PHLDB1: variants seen among roughly 807,000 people sequenced by gnomAD.
PHLDB1 encodes pleckstrin homology-like domain family B member 1.
PHLDB1 carries 65 observed loss-of-function variants against 139.3 expected under a neutral mutation model. That is an observed-to-expected ratio of 0.47 (90% CI 0.38 to 0.57). The LOEUF (loss-of-function observed/expected upper bound fraction) is 0.57, where lower values mean the gene tolerates loss of function less well. PHLDB1 is among the 20% of genes least tolerant of loss of function. The pLI is 0.00. For synonymous variants in PHLDB1, 679 were observed against 734.5 expected (o/e 0.92, Z 1.22); for missense variants, 1,624 against 1,839.7 (o/e 0.88, Z 2.14).
In PHLDB1 at chr11:118,628,055, G is replaced by A. The variant is rs1944169181; in HGVS notation, c.1232G>A (p.Gly411Asp). The A allele has an allele frequency of 2.5e-6, 4 of 1,613,860 alleles. No individual in the cohort carries two copies. The South Asian group carries it at 3.3e-5, about 13-fold the overall frequency. ...RPPSPFREPP[G>D]SERVLTTSPS... ...CCCAGCCCTTTCCGTGAGCCTCCAGGCAGTGAGCGGGTGCTAACAACCAGC... is the reference window on the plus strand; with the variant it reads ...CCCAGCCCTTTCCGTGAGCCTCCAGACAGTGAGCGGGTGCTAACAACCAGC... Residue 411 changes from glycine (G) to aspartate (D), a missense_variant, in exon 6 of 23, where the codon GGC becomes GAC. Physicochemically the swap from Gly to Asp is moderately conservative, Grantham distance 94. Coordinates refer to ENST00000600882, the MANE Select transcript of PHLDB1 (RefSeq NM_001144758.3).
At chr11:118,609,278 TCA>T (rs1420447561) in intron 1 of PHLDB1, among the ~76,000 whole-genome samples, 2 of 97,038 alleles carry the variant, frequency 2.1e-5, no homozygotes, top group South Asian at 3.3e-4. Flanking sequence ...ACAGCCCAGC[TCA>T]CACACACAGC....
intron 17 of PHLDB1, chr11:118,647,362 A>G (rs1277800716): frequency 1.3e-5 from 2 of 152,394 alleles, no homozygotes; most frequent in Admixed American, 1.3e-4. Flanking sequence ...CATTTTCACT[A>G]TAATTCCAGG....
At chr11:118,655,286 C>T (rs572438818) in intron 20 of PHLDB1, 152 of 215,596 alleles carry the variant, frequency 7.1e-4, no homozygotes, top group Middle Eastern at 3.5e-3. Flanking sequence ...ATTTATACTC[C>T]CACATGTCAT....
At chr11:118,639,960 T>G in intron 12 of PHLDB1, 1 of 986,220 alleles carries the variant, frequency 1.0e-6, no homozygotes. Context: ...CTCTGTCTCT[T>G]TAACCCCACC....
intron 9 of PHLDB1, 136 bp from the exon 10 acceptor site, chr11:118,635,257 A>G (rs868979160): frequency 9.9e-7 from 1 of 1,006,598 alleles, no homozygotes; most frequent in Non-Finnish European, 1.5e-6. Flanking sequence ...GTACAGCGGG[A>G]GCTGGGGGGA....
chr11:118,614,905 AAGG>A, intron 3 of PHLDB1: 1 of 501,776 alleles, frequency 2.0e-6, no homozygotes, highest in East Asian at 3.6e-5. Context: ...GCTTAGAAAC[AAGG>A]AGGAGAGGCC....
rs1246052917 is a variant in PHLDB1, at chr11:118,620,068, G to C, written c.355+3857G>C. On this transcript the variant is annotated intron_variant, in intron 4 of 22. Coordinates refer to ENST00000600882, the MANE Select transcript of PHLDB1 (RefSeq NM_001144758.3). The surrounding 1 kb of genome is among the most constrained non-coding windows in gnomAD (Gnocchi z 4.1). ...TGAGCAAGTGTTGGTGTGTATCTGA[G>C]AGACACTGTGTCAGGCTGTGTGAGC... Among the ~76,000 whole-genome samples, 1 of 152,232 alleles carries C rather than the reference G, an allele frequency of 6.6e-6. No individual in the cohort carries two copies. Among genetic ancestry groups the C allele is most frequent in the Non-Finnish European group, 1.5e-5 (1 of 68,034 alleles).
chr11:118,626,883 G>A (rs531918588), intron 5 of PHLDB1: 2 of 200,020 alleles, frequency 1.0e-5, no homozygotes, highest in South Asian at 9.6e-5. Context: ...TTGAACTCCT[G>A]TCCTCAAGTG....
Position 118,656,909 on chromosome 11 carries a change from T to C in PHLDB1, c.*86T>C. On this transcript the variant is annotated 3_prime_UTR_variant, in exon 23 of 23. Coordinates refer to ENST00000600882, the MANE Select transcript of PHLDB1 (RefSeq NM_001144758.3). The stretch of plus-strand genomic sequence containing the variant: ...CTGTAAGGAGCTTGGTCCTGTGAGT[T>C]TCTGGGCTCTGGCCTCCTGAAGAAC... 1.6e-6 allele frequency: 2 copies of C among 1,245,756 alleles called. No individual in the cohort carries two copies. Among genetic ancestry groups the C allele is most frequent in the South Asian group, 3.1e-5 (2 of 64,712 alleles). 77.2% of individuals were successfully genotyped at this position (1,245,756 alleles called of 1,614,324 possible). A position where few individuals can be genotyped will look rare whatever the true frequency, so the allele number is the denominator to read the frequency against.
chr11:118,652,716 G>C (rs954398349), intron 20 of PHLDB1: 3 of 152,512 alleles, frequency 2.0e-5, no homozygotes, highest in Non-Finnish European at 4.4e-5. Context: ...GGAGAGGGCC[G>C]AACCCTGGGG....
chr11:118,624,450 C>G (rs1943444715), intron 4 of PHLDB1: 1 of 156,974 alleles, frequency 6.4e-6, no homozygotes. Flanking sequence ...CAAGCACAGG[C>G]AAGGTCAGGT....
chr11:118,644,097 C>T lies in PHLDB1; in HGVS notation c.3044C>T (p.Thr1015Met), dbSNP rs578250886. 37 of 1,613,946 alleles carry T rather than the reference C, an allele frequency of 2.3e-5. No homozygotes were observed. The highest frequency in any genetic ancestry group is 1.6e-4 in the East Asian group (7 of 44,878). The change falls in exon 15 of 23, where the codon ACG (threonine) becomes ATG (methionine). Residue 1015 changes from threonine (T) to methionine (M), a missense_variant. Transcript: ENST00000600882. The part of the protein sequence containing the change: ...PKSALLTQNG[T>M]GSLPRNLAAT... ...AGCGCTCTACTCACCCAGAATGGCA[C>T]GGGCAGCCTTCCTCGCAACCTGGCA...
Position 118,616,094 on chromosome 11 carries a change from C to T in PHLDB1, c.238C>T (p.Leu80=). 1 of 1,614,114 alleles carries T rather than the reference C, an allele frequency of 6.2e-7. No individual in the cohort carries two copies. The highest frequency in any genetic ancestry group is 8.5e-7 in the Non-Finnish European group (1 of 1,179,962). Residue 80 remains leucine (L), a synonymous_variant, in exon 4 of 23, where the codon CTG becomes TTG. Coordinates refer to ENST00000600882, the MANE Select transcript of PHLDB1 (RefSeq NM_001144758.3). ...ARDISLQGPG[L]APEHCYIENL... is the part of the protein sequence containing the mutation. Reference sequence around the variant, plus strand: ...AGACATCTCACTACAGGGCCCAGGCCTGGCTCCAGAGCACTGCTACATCGA... The same window carrying T: ...AGACATCTCACTACAGGGCCCAGGCTTGGCTCCAGAGCACTGCTACATCGA...
At chr11:118,615,109 C>T (rs189668617) in intron 3 of PHLDB1, 18 of 156,876 alleles carry the variant, frequency 1.1e-4, no homozygotes, top group African/African-American at 3.5e-4. Flanking sequence ...GCAGAAGAAT[C>T]GCTTGAACCC....
rs373286229 is a variant in PHLDB1, at chr11:118,645,803, A to C, written c.3485A>C (p.Lys1162Thr). 9 of 1,612,794 alleles carry C rather than the reference A, an allele frequency of 5.6e-6. No homozygotes were observed. In the African/African-American group the frequency reaches 9.3e-5, roughly 17 times the overall value. ...EKMLKEAHAE[K>T]NRLMESRERE... is the part of the protein sequence containing the mutation. ...ATGCTGAAAGAGGCTCATGCAGAGA[A>C]GAACCGGCTCATGGAGTCGAGGGTG... is the stretch of plus-strand genomic sequence containing the variant. Residue 1162 changes from lysine (K) to threonine (T), a missense_variant, in exon 17 of 23, where the codon AAG (lysine) becomes ACG (threonine). Coordinates refer to ENST00000600882, the MANE Select transcript of PHLDB1 (RefSeq NM_001144758.3). The surrounding 1 kb of genome is among the most constrained non-coding windows in gnomAD (Gnocchi z 5.1).
chr11:118,607,578 TCTC>T (rs1939378472), upstream of PHLDB1: 1 of 148,810 alleles, frequency 6.7e-6, no homozygotes, highest in South Asian at 2.1e-4. Flanking sequence ...ACAGGCTCGC[TCTC>T]CTCCTACTTA....
rs1555099941 is a variant in PHLDB1, at chr11:118,625,063, G to A, written c.481+4G>A. On this transcript the variant is annotated splice_donor_region_variant and intron_variant, in intron 5 of 22. Transcript: ENST00000600882. ...CCCCCCTACAGCCCTGTTCCTGGTA[G>A]GTACCGACGGGGGCAGGGTGCTGGG... 1 of 1,595,414 alleles carries A rather than the reference G, an allele frequency of 6.3e-7. No individual in the cohort carries two copies. Among genetic ancestry groups the A allele is most frequent in the Admixed American group, 1.8e-5 (1 of 56,904 alleles).
rs1164978818 is a variant in PHLDB1, at chr11:118,610,807, C to T, written c.-21-3009C>T. On this transcript the variant is annotated intron_variant, in intron 1 of 22. Transcript: ENST00000600882. This position sits in a 1 kb window ranked among gnomAD's most constrained non-coding sequence, Gnocchi z 8.7. ...TGGCTGGGGTGTCGGCGCATTCCCG[C>T]GGGGGAGGAGGCCGAGGGCCCGGGC... Among the ~76,000 whole-genome samples the T allele has an allele frequency of 6.6e-6, 1 of 152,152 alleles. No individual in the cohort carries two copies. The highest frequency in any genetic ancestry group is 1.5e-5 in the Non-Finnish European group (1 of 68,014).
At chr11:118,628,798 A>G (rs1555107227) in intron 6 of PHLDB1, 148 bp downstream of exon 6, 2 of 656,598 alleles carry the variant, frequency 3.0e-6, no homozygotes, top group Non-Finnish European at 5.0e-6. Context: ...TTAGTGATCA[A>G]TATCTTATGG....
Sources: allele counts gnomAD v4.1 joint callset (sites outside exome capture counted in the v4.1 genomes callset), GRCh38; gene constraint gnomAD v4.1.1; non-coding constraint Gnocchi (gnomAD v3.1); transcripts MANE v1.5; gene names NCBI Gene and HGNC (gene_info 2026-07-23, HGNC 2026-07-21).